Variants in TOX3 observed in about 807,000 individuals in gnomAD.
TOX3 encodes the protein TOX high mobility group box family member 3.
TOX3 carries 22 observed loss-of-function variants against 64.3 expected under a neutral mutation model. The observed-to-expected ratio is 0.34, with a 90% CI of 0.24 to 0.49. TOX3 has a LOEUF of 0.49. Ranked by LOEUF, TOX3 falls within the 20% of genes least tolerant of loss-of-function variation. The pLI is 0.99. For synonymous variants in TOX3, 291 were observed against 273.6 expected, an observed-to-expected ratio of 1.06 and a Z score of -0.63; for missense variants, 661 against 714.4, an observed-to-expected ratio of 0.93 and a Z score of 0.85.
intron 4 of TOX3, 37 bp downstream of exon 4, chr16:52,450,240 C>T: frequency 1.2e-6 from 2 of 1,611,464 alleles, no homozygotes; most frequent in Non-Finnish European, 1.7e-6. Context: ...ATCCCATATT[C>T]TCTGGCAGGT....
Position 52,529,236 on chromosome 16 carries a change from C to T in TOX3, c.87+17401G>A, listed in dbSNP as rs530658083. On this transcript the variant is annotated intron_variant, in intron 1 of 6. Coordinates refer to ENST00000219746, the MANE Select transcript of TOX3 (RefSeq NM_001080430.4). ...TCTATAATTCTAGGGGGAAATATCC[C>T]ATAAGAAATAAATTCTAGCAAGTAC... Among the ~76,000 whole-genome samples the T allele has an allele frequency of 4.6e-5, 7 of 152,208 alleles. No individual in the cohort carries two copies. The East Asian group carries it at 9.7e-4, about 21-fold the overall frequency.
intron 2 of TOX3, 26 bp from the exon 3 acceptor site, chr16:52,464,214 C>G: frequency 6.8e-7 from 1 of 1,463,094 alleles, no homozygotes. Context: ...ATACAGGTAT[C>G]TTCATATTCT....
chr16:52,475,111 C>G (rs1214751311), intron 1 of TOX3, among the ~76,000 whole-genome samples: 1 of 152,164 alleles, frequency 6.6e-6, no homozygotes, highest in Non-Finnish European at 1.5e-5. Context: ...CTCTCTATCC[C>G]TCTTCCCCAA....
chr16:52,519,589 CG>C, intron 1 of TOX3: 1 of 1,392,658 alleles, frequency 7.2e-7, no homozygotes, highest in Non-Finnish European at 9.4e-7. Flanking sequence ...GCTGAGCAGA[CG>C]AAAAAAAAAA....
intron 2 of TOX3, among the ~76,000 whole-genome samples, chr16:52,467,000 G>T (rs1960886264): frequency 6.6e-6 from 1 of 152,116 alleles, no homozygotes; most frequent in Admixed American, 6.5e-5. Flanking sequence ...TAGAGTTTAC[G>T]TGATTATTTT....
At chr16:52,443,839 T>C (rs1960076971) in intron 6 of TOX3, among the ~76,000 whole-genome samples, 1 of 152,168 alleles carries the variant, frequency 6.6e-6, no homozygotes, top group Admixed American at 6.5e-5. Flanking sequence ...TATTTATTTA[T>C]ATGATATGGA....
chr16:52,465,216 G>C (rs1437640420), intron 2 of TOX3, among the ~76,000 whole-genome samples: 1 of 151,338 alleles, frequency 6.6e-6, no homozygotes, highest in Non-Finnish European at 1.5e-5. Context: ...GGGTTTCACC[G>C]TGTTAGGCAG....
intron 1 of TOX3, among the ~76,000 whole-genome samples, chr16:52,533,991 A>C (rs1962900110): frequency 6.6e-6 from 1 of 152,212 alleles, no homozygotes; most frequent in African/African-American, 2.4e-5. Flanking sequence ...GACAAATCAG[A>C]GATCTAAGGC....
At position 52,547,027 on chromosome 16, in the gene TOX3, G is replaced by T; in HGVS notation, c.-304C>A. On this transcript the variant is annotated 5_prime_UTR_variant, in exon 1 of 7. Transcript: ENST00000219746. ...GGCGCGGGGCGCGGCGCTGGGGCCC[G>T]GGTCGGCGAGGCGAGTTCAGGTGCG... The T allele has an allele frequency of 1.2e-6, 1 of 864,688 alleles. No individual in the cohort carries two copies. Among genetic ancestry groups the T allele is most frequent in the Non-Finnish European group, 1.4e-6 (1 of 722,020 alleles). 53.6% of individuals were successfully genotyped at this position (864,688 alleles called of 1,614,324 possible).
chr16:52,520,808 AT>A (rs1263355767), intron 1 of TOX3, among the ~76,000 whole-genome samples: 4 of 151,912 alleles, frequency 2.6e-5, no homozygotes, highest in African/African-American at 9.7e-5. Context: ...AACCCTAAAC[AT>A]TTTTTTTAAT....
intron 2 of TOX3, among the ~76,000 whole-genome samples, chr16:52,465,288 A>G (rs1960826791): frequency 6.6e-6 from 1 of 151,698 alleles, no homozygotes; most frequent in African/African-American, 2.4e-5. Flanking sequence ...TGCTGGGATT[A>G]CAGGAGTGAG....
chr16:52,546,549 G>C, intron 1 of TOX3, 88 bp downstream of exon 1: 1 of 1,236,856 alleles, frequency 8.1e-7, no homozygotes. Flanking sequence ...CCAAAGAAAA[G>C]TGCAGCAGGC....
intron 1 of TOX3, among the ~76,000 whole-genome samples, chr16:52,490,973 G>T (rs145928744): frequency 6.6e-6 from 1 of 152,036 alleles, no homozygotes; most frequent in Non-Finnish European, 1.5e-5. Context: ...TGGCTAAAGC[G>T]TAATTTACCT....
At chr16:52,521,825 G>A (rs1644512479) in intron 1 of TOX3, among the ~76,000 whole-genome samples, 1 of 152,136 alleles carries the variant, frequency 6.6e-6, no homozygotes, top group African/African-American at 2.4e-5. Context: ...GTGTGGAGCG[G>A]CAACATGGAT....
chr16:52,533,154 A>G (rs1471356311), intron 1 of TOX3, among the ~76,000 whole-genome samples: 2 of 152,208 alleles, frequency 1.3e-5, no homozygotes, highest in African/African-American at 2.4e-5. Context: ...AGGTCAACAG[A>G]GTTGGACAAA....
At chr16:52,490,626 ATTTTTT>A (rs3086679) in intron 1 of TOX3, among the ~76,000 whole-genome samples, 1 of 99,060 alleles carries the variant, frequency 1.0e-5, no homozygotes, top group East Asian at 3.9e-4. Context: ...CTAGGATGTA[ATTTTTT>A]TTTTTTTTTT....
At chr16:52,447,797 T>C (rs1960205699) in intron 4 of TOX3, among the ~76,000 whole-genome samples, 1 of 152,196 alleles carries the variant, frequency 6.6e-6, no homozygotes, top group South Asian at 2.1e-4. Flanking sequence ...AAGTTTTCCT[T>C]CAATGAAAAA....
At chr16:52,461,322 C>A (rs1340191250) in intron 3 of TOX3, among the ~76,000 whole-genome samples, 1 of 152,134 alleles carries the variant, frequency 6.6e-6, no homozygotes, top group East Asian at 1.9e-4. Context: ...GTCACAAATG[C>A]ATCGACATTC....
intron 1 of TOX3, among the ~76,000 whole-genome samples, chr16:52,526,679 G>A (rs1471561795): frequency 6.6e-6 from 1 of 152,126 alleles, no homozygotes; most frequent in Non-Finnish European, 1.5e-5. Context: ...CCTCTCCTTT[G>A]GGAATTCCAG....
Sources: allele counts gnomAD v4.1 joint callset (sites outside exome capture counted in the v4.1 genomes callset), GRCh38; gene constraint gnomAD v4.1.1; transcripts MANE v1.5; gene names NCBI Gene and HGNC (gene_info 2026-07-23, HGNC 2026-07-21).